SEMA5A: variants seen among roughly 807,000 people sequenced by gnomAD.
The protein encoded by SEMA5A is semaphorin 5A.
SEMA5A carries 55 observed loss-of-function variants against 135.5 expected under a neutral mutation model. That is an observed-to-expected ratio of 0.41 (90% CI 0.33 to 0.51). The LOEUF (loss-of-function observed/expected upper bound fraction) is 0.51. Ranked by LOEUF, SEMA5A falls within the 20% of genes least tolerant of loss-of-function variation. The probability of loss-of-function intolerance (pLI) is 0.37; values close to 1 mark genes in which losing one functional copy is unlikely to be tolerated. For synonymous variants in SEMA5A, 580 were observed against 546.5 expected (o/e 1.06, Z -0.85); for missense variants, 1,290 against 1,419.9 (o/e 0.91, Z 1.47).
At chr5:9,502,778 C>T (rs189809372) in intron 1 of SEMA5A, among the ~76,000 whole-genome samples, 2 of 152,172 alleles carry the variant, frequency 1.3e-5, no homozygotes, top group Admixed American at 1.3e-4. Context: ...AAAACAGGGG[C>T]CACTCTACAA....
intron 1 of SEMA5A, among the ~76,000 whole-genome samples, chr5:9,481,449 A>G (rs1561287471): frequency 6.6e-6 from 1 of 152,186 alleles, no homozygotes; most frequent in Non-Finnish European, 1.5e-5. Flanking sequence ...AAAGCCCTAC[A>G]GACTACAGTA....
intron 5 of SEMA5A, among the ~76,000 whole-genome samples, chr5:9,315,608 G>A (rs781001851): frequency 3.3e-5 from 5 of 152,030 alleles, no homozygotes; most frequent in African/African-American, 4.8e-5. Context: ...TCATGACTTC[G>A]TGATATCTGA....
chr5:9,334,486 G>A (rs751023423), intron 4 of SEMA5A, among the ~76,000 whole-genome samples: 7 of 152,170 alleles, frequency 4.6e-5, no homozygotes, highest in Non-Finnish European at 8.8e-5. Flanking sequence ...ACACGTATGC[G>A]AAACCCATGA....
rs536050022 is a variant in SEMA5A, at chr5:9,324,892, T to C, written c.225-6475A>G. Among the ~76,000 whole-genome samples, 3 of 152,342 alleles carry C rather than the reference T, an allele frequency of 2.0e-5. No individual in the cohort carries two copies. In the East Asian group the frequency reaches 5.8e-4, roughly 29 times the overall value. The stretch of plus-strand genomic sequence containing the variant: ...CTTCTGGCCCCTGGCCAACTGGAAA[T>C]GCTAACCAAATGTTGCAAGTAGGGT... On this transcript the variant is annotated intron_variant, in intron 4 of 22. Transcript: ENST00000382496.
intron 5 of SEMA5A, among the ~76,000 whole-genome samples, chr5:9,293,423 TG>T (rs1751184506): frequency 6.6e-6 from 1 of 152,220 alleles, no homozygotes; most frequent in South Asian, 2.1e-4. Flanking sequence ...AACTTCCCTT[TG>T]TTTTAATTTC....
chr5:9,333,589 G>A (rs1273081174), intron 4 of SEMA5A, among the ~76,000 whole-genome samples: 1 of 152,224 alleles, frequency 6.6e-6, no homozygotes, highest in East Asian at 1.9e-4. Flanking sequence ...TGTATCAAGT[G>A]TGTGGAGTGT....
intron 8 of SEMA5A, among the ~76,000 whole-genome samples, chr5:9,208,393 T>G (rs1746165311): frequency 6.6e-6 from 1 of 152,194 alleles, no homozygotes; most frequent in African/African-American, 2.4e-5. Context: ...GGGGCTGTCC[T>G]GGGCACTGGG....
chr5:9,300,918 G>C (rs1333363378), intron 5 of SEMA5A, among the ~76,000 whole-genome samples: 1 of 152,208 alleles, frequency 6.6e-6, no homozygotes, highest in African/African-American at 2.4e-5. Flanking sequence ...GAGCCCTGCT[G>C]ATATCTCAGT....
intron 5 of SEMA5A, among the ~76,000 whole-genome samples, chr5:9,281,013 T>A (rs2150563745): frequency 6.6e-6 from 1 of 152,314 alleles, no homozygotes; most frequent in Middle Eastern, 3.4e-3. Flanking sequence ...TTAAGCTTCA[T>A]AATAACCCTA....
chr5:9,036,287 A>G lies in SEMA5A; in HGVS notation c.*6610T>C, dbSNP rs1256184153. ...AAAGAGAAAAACAATCAACTTCAGC[A>G]GAGATAATACTATTACTTTTCTTAA... is the stretch of plus-strand genomic sequence containing the variant. On this transcript the variant is annotated 3_prime_UTR_variant, in exon 23 of 23. Transcript: ENST00000382496. The G allele has an allele frequency of 2.0e-5, 3 of 152,056 alleles. No homozygotes were observed. The highest frequency in any genetic ancestry group is 2.9e-5 in the Non-Finnish European group (2 of 68,042). 9.4% of individuals were successfully genotyped at this position (152,056 alleles called of 1,614,324 possible). A position where few individuals can be genotyped will look rare whatever the true frequency, so the allele number is the denominator to read the frequency against.
In SEMA5A at chr5:9,356,718, T is replaced by C. The variant is rs556277762; in HGVS notation, c.125-18906A>G. 1.1e-3 allele frequency among the ~76,000 whole-genome samples: 168 copies of C among 152,306 alleles called. 2 individuals are homozygous for C. The highest frequency in any genetic ancestry group is 3.4e-3 in the Middle Eastern group (1 of 294). On this transcript the variant is annotated intron_variant, in intron 3 of 22. Transcript: ENST00000382496. ...GCAACCGGGGTTCAAAGAAATTCAC[T>C]GTGCAAAACAGATACTGAAGTAGAT...
intron 5 of SEMA5A, among the ~76,000 whole-genome samples, chr5:9,279,340 C>T (rs1253432335): frequency 4.6e-5 from 7 of 152,186 alleles, no homozygotes; most frequent in Non-Finnish European, 8.8e-5. Flanking sequence ...TTGCCCAATG[C>T]CTGTACCCCT....
rs575626221 is a variant in SEMA5A, at chr5:9,374,455, C to G, written c.124+5368G>C. 9.7e-4 allele frequency among the ~76,000 whole-genome samples: 147 copies of G among 152,106 alleles called. 1 individual carries two copies. Among genetic ancestry groups the G allele is most frequent in the Non-Finnish European group, 1.8e-3 (125 of 68,022 alleles). ...ATCAGGATTTTAAGTCAAGATTATC[C>G]GGTTCTCCCTTTATTTCCCCTTAGT... On this transcript the variant is annotated intron_variant, in intron 3 of 22. Transcript: ENST00000382496.
At chr5:9,428,391 C>A (rs2126649415) in intron 2 of SEMA5A, among the ~76,000 whole-genome samples, 1 of 152,186 alleles carries the variant, frequency 6.6e-6, no homozygotes, top group East Asian at 1.9e-4. Context: ...TATGAAATTC[C>A]ACTGTAACAC....
Position 9,242,099 on chromosome 5 carries a change from A to T in SEMA5A, c.271-4209T>A, listed in dbSNP as rs187409804. Among the ~76,000 whole-genome samples, 3 of 152,350 alleles carry T rather than the reference A, an allele frequency of 2.0e-5. No homozygotes were observed. In the East Asian group the frequency reaches 5.8e-4, roughly 29 times the overall value. Reference sequence around the variant, plus strand: ...CATGTATTCTGCGATGCGCTGGGAAATGTTACATTGCCATGGCAATTATAA... The same window carrying T: ...CATGTATTCTGCGATGCGCTGGGAATTGTTACATTGCCATGGCAATTATAA... On this transcript the variant is annotated intron_variant, in intron 5 of 22. Coordinates refer to ENST00000382496, the MANE Select transcript of SEMA5A (RefSeq NM_003966.3).
At chr5:9,313,521 A>G in intron 5 of SEMA5A, among the ~76,000 whole-genome samples, 1 of 152,216 alleles carries the variant, frequency 6.6e-6, no homozygotes, top group Admixed American at 6.5e-5. Context: ...AGAAACTTGT[A>G]AGCCATCTGT....
Position 9,267,024 on chromosome 5 carries a change from G to T in SEMA5A, c.271-29134C>A, listed in dbSNP as rs866359389. On this transcript the variant is annotated intron_variant, in intron 5 of 22. Coordinates refer to ENST00000382496, the MANE Select transcript of SEMA5A (RefSeq NM_003966.3). Reference sequence around the variant, plus strand: ...GATTAGAAGCCTGAGATTCAGTGAAGACGTGATATACCTTACAGAGCTCTG... The same window carrying T: ...GATTAGAAGCCTGAGATTCAGTGAATACGTGATATACCTTACAGAGCTCTG... Among the ~76,000 whole-genome samples, 5 of 152,152 alleles carry T rather than the reference G, an allele frequency of 3.3e-5. No individual in the cohort carries two copies. The South Asian group carries it at 6.2e-4, about 19-fold the overall frequency.
chr5:9,184,023 C>T (rs1744669683), intron 11 of SEMA5A, among the ~76,000 whole-genome samples: 1 of 152,168 alleles, frequency 6.6e-6, no homozygotes, highest in African/African-American at 2.4e-5. Flanking sequence ...CTTCTCTCAT[C>T]ATTTGGCTGA....
intron 3 of SEMA5A, among the ~76,000 whole-genome samples, chr5:9,368,427 T>C (rs1322883600): frequency 6.6e-6 from 1 of 152,244 alleles, no homozygotes; most frequent in Admixed American, 6.5e-5. Context: ...TTAGGTAGAA[T>C]AATATTTACT....
Sources: gnomAD v4.1 joint callset for allele counts (sites outside exome capture counted in the v4.1 genomes callset) on GRCh38, gnomAD v4.1.1 for gene constraint, MANE v1.5 for transcripts, NCBI Gene and HGNC (gene_info 2026-07-23, HGNC 2026-07-21) for gene names.